Variants in DLG2 observed in about 807,000 individuals in gnomAD.
DLG2 encodes the protein discs large MAGUK scaffold protein 2, also known as disks large homolog 2.
DLG2 carries 45 observed loss-of-function variants against 132.5 expected under a neutral mutation model. The ratio of observed to expected loss-of-function variants is 0.34; its 90% CI spans 0.27 to 0.44. The LOEUF (loss-of-function observed/expected upper bound fraction) is 0.44, where lower values mean the gene tolerates loss of function less well. Ranked by LOEUF, DLG2 falls within the 20% of genes least tolerant of loss-of-function variation. The probability of loss-of-function intolerance (pLI) is 1.00; values close to 1 mark genes in which losing one functional copy is unlikely to be tolerated. For synonymous variants in DLG2, 424 were observed against 419.6 expected, an observed-to-expected ratio of 1.01 and a Z score of -0.13; for missense variants, 1,045 against 1,196.9, an observed-to-expected ratio of 0.87 and a Z score of 1.87.
intron 5 of DLG2, among the ~76,000 whole-genome samples, chr11:85,119,789 G>A (rs1331571790): frequency 6.6e-6 from 1 of 151,910 alleles, no homozygotes; most frequent in Non-Finnish European, 1.5e-5. Context: ...TCAGAAACAA[G>A]ATGAAAGTAA....
rs569059345 is a variant in DLG2, at chr11:84,529,149, A to G, written c.519+5421T>C. ...ATACACAGAGTGTCTTTACTAAGACAATCTAAAAGCATATCTTGAGCTATA... is the reference window on the plus strand; with the variant it reads ...ATACACAGAGTGTCTTTACTAAGACGATCTAAAAGCATATCTTGAGCTATA... On this transcript the variant is annotated intron_variant, in intron 7 of 27. Coordinates refer to ENST00000376104, the MANE Select transcript of DLG2 (RefSeq NM_001142699.3). 3.3e-5 allele frequency among the ~76,000 whole-genome samples: 5 copies of G among 152,288 alleles called. No individual in the cohort carries two copies. In the East Asian group the frequency reaches 9.6e-4, roughly 29 times the overall value.
chr11:84,864,252 G>C (rs1391368438), intron 6 of DLG2, among the ~76,000 whole-genome samples: 1 of 152,106 alleles, frequency 6.6e-6, no homozygotes, highest in Non-Finnish European at 1.5e-5. Flanking sequence ...TTTCCCTTCT[G>C]ACCAGGCAAG....
intron 6 of DLG2, among the ~76,000 whole-genome samples, chr11:84,662,067 C>T (rs555545644): frequency 5.9e-4 from 90 of 152,098 alleles, no homozygotes; most frequent in African/African-American, 2.1e-3. Context: ...AATGGAAACA[C>T]ATGTGACATG....
chr11:85,137,145 G>C (rs1419436065), intron 5 of DLG2, among the ~76,000 whole-genome samples: 2 of 152,012 alleles, frequency 1.3e-5, no homozygotes, highest in African/African-American at 2.4e-5. Flanking sequence ...TAATGGAGAA[G>C]GGCAATTTCT....
chr11:83,587,968 C>A lies in DLG2; in HGVS notation c.1940+45243G>T, dbSNP rs571805262. On this transcript the variant is annotated intron_variant, in intron 19 of 27. Transcript: ENST00000376104. ...AAATGGCGCACCACGAGATTATATC[C>A]CGCACCTGGCTCAGAGGCTCCTAAG... is the stretch of plus-strand genomic sequence containing the variant. Among the ~76,000 whole-genome samples the A allele has an allele frequency of 6.6e-5, 10 of 152,300 alleles. 1 individual carries two copies. The East Asian group carries it at 1.9e-3, about 29-fold the overall frequency.
chr11:83,950,204 A>G (rs1035432319), intron 14 of DLG2, among the ~76,000 whole-genome samples: 1 of 152,238 alleles, frequency 6.6e-6, no homozygotes. Flanking sequence ...AATATCAGTT[A>G]TCACTATTAC....
intron 6 of DLG2, among the ~76,000 whole-genome samples, chr11:84,645,092 C>G (rs1463850831): frequency 1.3e-5 from 2 of 152,122 alleles, no homozygotes; most frequent in African/African-American, 4.8e-5. Flanking sequence ...ACAGGCACTC[C>G]TACTTTCAAA....
chr11:84,433,813 C>T (rs2098992053), intron 7 of DLG2, among the ~76,000 whole-genome samples: 1 of 152,096 alleles, frequency 6.6e-6, no homozygotes, highest in African/African-American at 2.4e-5. Context: ...CAATTAAAAG[C>T]TATTCAAATA....
intron 5 of DLG2, among the ~76,000 whole-genome samples, chr11:85,113,111 T>C (rs1366072232): frequency 6.6e-6 from 1 of 152,008 alleles, no homozygotes; most frequent in African/African-American, 2.4e-5. Context: ...ATCTCCATGA[T>C]CAATTTCTTT....
chr11:84,585,705 A>C (rs890419224), intron 6 of DLG2, among the ~76,000 whole-genome samples: 1 of 151,988 alleles, frequency 6.6e-6, no homozygotes, highest in Admixed American at 6.5e-5. Context: ...TTTTTTGCAT[A>C]TATTTAGTTT....
chr11:84,088,384 A>C (rs746893831), intron 10 of DLG2, among the ~76,000 whole-genome samples: 1 of 152,028 alleles, frequency 6.6e-6, no homozygotes, highest in Non-Finnish European at 1.5e-5. Flanking sequence ...AGAAAAAAAA[A>C]AAAACAAAAA....
At chr11:83,832,955 A>G (rs144956217) in intron 17 of DLG2, among the ~76,000 whole-genome samples, 3 of 152,206 alleles carry the variant, frequency 2.0e-5, no homozygotes, top group Non-Finnish European at 2.9e-5. Flanking sequence ...GAGTATGGTT[A>G]TGAGTTTGGG....
chr11:84,902,442 C>T (rs924494860), intron 6 of DLG2, among the ~76,000 whole-genome samples: 5 of 152,020 alleles, frequency 3.3e-5, no homozygotes, highest in Non-Finnish European at 2.9e-5. Context: ...TTACAGAAGC[C>T]GAATATCTTA....
intron 16 of DLG2, among the ~76,000 whole-genome samples, chr11:83,836,975 G>A (rs1168487632): frequency 6.6e-6 from 1 of 152,158 alleles, no homozygotes; most frequent in African/African-American, 2.4e-5. Context: ...CTAGGTGGGA[G>A]TAGAAGTTCA....
At chr11:84,468,898 A>G (rs2099101536) in intron 7 of DLG2, among the ~76,000 whole-genome samples, 1 of 151,524 alleles carries the variant, frequency 6.6e-6, no homozygotes, top group Non-Finnish European at 1.5e-5. Context: ...AGACTCATTG[A>G]CTAATGTAAG....
intron 6 of DLG2, among the ~76,000 whole-genome samples, chr11:84,743,038 T>G (rs2064891072): frequency 6.6e-6 from 1 of 152,186 alleles, no homozygotes; most frequent in Admixed American, 6.5e-5. Context: ...CTTAAATAAT[T>G]CACAAGATTT....
intron 17 of DLG2, among the ~76,000 whole-genome samples, chr11:83,832,908 G>A (rs2054968467): frequency 6.6e-6 from 1 of 152,040 alleles, no homozygotes; most frequent in South Asian, 2.1e-4. Context: ...TTTTACATTT[G>A]CACCAAACTA....
chr11:85,510,323 G>C (rs1291237559), intron 3 of DLG2, among the ~76,000 whole-genome samples: 1 of 152,020 alleles, frequency 6.6e-6, no homozygotes, highest in Non-Finnish European at 1.5e-5. Flanking sequence ...AGGACTTCAT[G>C]TACAAAACAC....
intron 7 of DLG2, among the ~76,000 whole-genome samples, chr11:84,449,812 A>G (rs766477331): frequency 2.0e-5 from 3 of 151,898 alleles, no homozygotes. Flanking sequence ...TTCATAAATA[A>G]ATAACCATAT....
Sources: allele counts gnomAD v4.1 joint callset (sites outside exome capture counted in the v4.1 genomes callset), GRCh38; gene constraint gnomAD v4.1.1; transcripts MANE v1.5; gene names NCBI Gene and HGNC (gene_info 2026-07-23, HGNC 2026-07-21).